The following NUP93 variants were observed in gnomAD, a reference collection of about 807,000 sequenced individuals.
NUP93 encodes nuclear pore complex protein Nup93.
A neutral mutation model predicts 107.8 loss-of-function variants in NUP93; 55 were observed. That is an observed-to-expected ratio of 0.51 (90% CI 0.41 to 0.64). NUP93 has a LOEUF of 0.64. Ranked by LOEUF, NUP93 falls within the 30% of genes least tolerant of loss-of-function variation. The pLI is 0.00. For missense variants in NUP93, 937 were observed against 1,044.7 expected, an observed-to-expected ratio of 0.90 and a Z score of 1.42; for synonymous variants, 390 against 397.5, an observed-to-expected ratio of 0.98 and a Z score of 0.22.
At chr16:56,838,847 G>A (rs912144513) in intron 18 of NUP93, 105 bp from the exon 19 acceptor site, 20 of 798,308 alleles carry the variant, frequency 2.5e-5, no homozygotes, top group East Asian at 1.0e-4. Context: ...TTACAGGCAT[G>A]AGCGACCACA....
chr16:56,834,448 T>C lies in NUP93; in HGVS notation c.1737+6T>C. ...TTGTGATTGAAAGCCGAGAGGTGAG[T>C]GGGTTTCCTTTTCTCTCCTCCCCAT... On this transcript the variant is annotated splice_donor_region_variant and intron_variant, in intron 15 of 21. Coordinates refer to ENST00000308159, the MANE Select transcript of NUP93 (RefSeq NM_014669.5). 6.2e-7 allele frequency: 1 copy of C among 1,613,880 alleles called. No homozygotes were observed. The highest frequency in any genetic ancestry group is 8.5e-7 in the Non-Finnish European group (1 of 1,179,816).
At chr16:56,815,899 G>GGTGCTGCTGCTGCTGCTGGTGCTGGTGC (rs1555495759) in intron 5 of NUP93, among the ~76,000 whole-genome samples, 1 of 95,984 alleles carries the variant, frequency 1.0e-5, no homozygotes, top group African/African-American at 4.0e-5. Flanking sequence ...GCTGCTGCTG[G>GGTGCTGCTGCTGCTGCTGGTGCTGGTGC]TGCTGCTGCT....
intron 2 of NUP93, among the ~76,000 whole-genome samples, chr16:56,750,840 C>T (rs757371314): frequency 3.3e-5 from 5 of 152,062 alleles, no homozygotes; most frequent in African/African-American, 7.3e-5. Context: ...TGAATGAATA[C>T]CCATGTGCAC....
At chr16:56,790,883 A>T (rs1340211169) in intron 3 of NUP93, among the ~76,000 whole-genome samples, 1 of 152,096 alleles carries the variant, frequency 6.6e-6, no homozygotes, top group Non-Finnish European at 1.5e-5. Flanking sequence ...CTGCTTTATT[A>T]TATTTTCTTT....
chr16:56,793,913 T>A (rs1247701220), intron 3 of NUP93, among the ~76,000 whole-genome samples: 1 of 151,746 alleles, frequency 6.6e-6, no homozygotes, highest in Admixed American at 6.6e-5. Context: ...ATTAGCTGGG[T>A]GTGGTGGCGT....
chr16:56,732,888 C>T (rs1475994564), intron 1 of NUP93, among the ~76,000 whole-genome samples: 16 of 152,066 alleles, frequency 1.1e-4, no homozygotes, highest in Non-Finnish European at 1.6e-4. Flanking sequence ...TGGACCTTAC[C>T]CTATAGGAAA....
chr16:56,838,268 T>C (rs1181699045), intron 18 of NUP93, among the ~76,000 whole-genome samples: 3 of 152,220 alleles, frequency 2.0e-5, no homozygotes, highest in Non-Finnish European at 4.4e-5. Context: ...TTGGGGTGCC[T>C]TCCCGGGGTA....
chr16:56,826,900 G>C (rs1963673561), intron 8 of NUP93, among the ~76,000 whole-genome samples: 1 of 151,692 alleles, frequency 6.6e-6, no homozygotes, highest in Admixed American at 6.6e-5. Context: ...ACAAAAATTA[G>C]CCAGGCATGA....
chr16:56,794,070 A>ATAGGTAGG (rs59624915), intron 3 of NUP93, among the ~76,000 whole-genome samples: 2 of 148,424 alleles, frequency 1.3e-5, no homozygotes, highest in Non-Finnish European at 3.0e-5. Context: ...AGATAGATAG[A>ATAGGTAGG]TAGGTAGGTA....
intron 1 of NUP93, among the ~76,000 whole-genome samples, chr16:56,730,714 G>C (rs759482076): frequency 2.5e-4 from 38 of 152,192 alleles, no homozygotes; most frequent in Non-Finnish European, 2.6e-4. Context: ...TGTACATCCA[G>C]GAGGATGCTG....
chr16:56,824,622 C>G (rs963273491), intron 8 of NUP93, among the ~76,000 whole-genome samples: 3 of 152,226 alleles, frequency 2.0e-5, no homozygotes, highest in Non-Finnish European at 4.4e-5. Flanking sequence ...CTTTGCCACT[C>G]AGCCTCTGCA....
intron 4 of NUP93, 94 bp downstream of exon 4, chr16:56,798,632 C>A: frequency 9.9e-7 from 1 of 1,005,122 alleles, no homozygotes; most frequent in Non-Finnish European, 1.6e-6. Flanking sequence ...CTTTGGGAGG[C>A]TGATGCAGGA....
chr16:56,845,623 T>A lies in NUP93; in HGVS notation c.*1014T>A, dbSNP rs1261416005. Reference sequence around the variant, plus strand: ...AAACCAGAGAGCAAATTAGGTCGTGTTTGTTCCTGAATGGGCCAACTGGAG... The same window carrying A: ...AAACCAGAGAGCAAATTAGGTCGTGATTGTTCCTGAATGGGCCAACTGGAG... On this transcript the variant is annotated 3_prime_UTR_variant, in exon 22 of 22. Transcript: ENST00000308159. The A allele has an allele frequency of 6.6e-6, 1 of 152,184 alleles. No homozygotes were observed. The highest frequency in any genetic ancestry group is 6.6e-5 in the Admixed American group (1 of 15,264). The allele number at this position is 152,184 out of a possible 1,614,324, so 9.4% of individuals were successfully genotyped here. A position where few individuals can be genotyped will look rare whatever the true frequency, so the allele number is the denominator to read the frequency against.
chr16:56,844,591 G>A lies in NUP93; in HGVS notation c.2442G>A (p.Met814Ile), dbSNP rs1218436473. Residue 814 changes from methionine (M) to isoleucine (I), a missense_variant, in exon 22 of 22, where the codon ATG becomes ATA. Physicochemically the swap from Met to Ile is conservative, Grantham distance 10. Coordinates refer to ENST00000308159, the MANE Select transcript of NUP93 (RefSeq NM_014669.5). ...ACACCAATGCGAGGCTGGTGCAGAT[G>A]GAGGTCCTCATGAATTAAGTGCCAT... ...SGDTNARLVQ[M>I]EVLMN is the part of the protein sequence containing the mutation. 1.3e-6 allele frequency: 2 copies of A among 1,593,476 alleles called. No homozygotes were observed. The highest frequency in any genetic ancestry group is 1.7e-6 in the Non-Finnish European group (2 of 1,170,162).
intron 10 of NUP93, 117 bp from the exon 11 acceptor site, chr16:56,831,725 C>A (rs143799282): frequency 9.7e-7 from 1 of 1,031,786 alleles, no homozygotes; most frequent in African/African-American, 1.6e-5. Flanking sequence ...GTGTCTCTTA[C>A]CCCGGATGAA....
chr16:56,747,820 A>G (rs28546640), intron 1 of NUP93: 56,940 of 153,916 alleles, frequency 0.37, 11,504 homozygotes, highest in East Asian at 0.54. Flanking sequence ...TGGTGCTTTT[A>G]GGGTGGTAGT....
chr16:56,746,591 C>G (rs144602332), intron 1 of NUP93, among the ~76,000 whole-genome samples: 1 of 152,328 alleles, frequency 6.6e-6, no homozygotes, highest in East Asian at 1.9e-4. Context: ...TTGCCTTTGC[C>G]TTTAAAGTTA....
chr16:56,802,424 C>G lies in NUP93; in HGVS notation c.361-3080C>G, dbSNP rs542701042. ...AGGTTTTTCTCGGTATTTTTCAGCT[C>G]AGGCTAACTGACTGGTATGGTCCAT... On this transcript the variant is annotated intron_variant, in intron 4 of 21. Transcript: ENST00000308159. Among the ~76,000 whole-genome samples the G allele has an allele frequency of 3.3e-5, 5 of 151,034 alleles. No homozygotes were observed. In the South Asian group the frequency reaches 1.0e-3, roughly 32 times the overall value.
In NUP93 at chr16:56,782,959, A is replaced by G. The variant is rs185731479; in HGVS notation, c.298-15517A>G. Among the ~76,000 whole-genome samples, 309 of 152,316 alleles carry G rather than the reference A, an allele frequency of 2.0e-3. 1 individual carries two copies. Among genetic ancestry groups the G allele is most frequent in the African/African-American group, 7.0e-3 (292 of 41,580 alleles). ...TTAAGTATATTTCAAATTTTTGGCT[A>G]GAGAATATAATTTGTGTAAGTGAAA... On this transcript the variant is annotated intron_variant, in intron 3 of 21. Transcript: ENST00000308159.
Sources: gnomAD v4.1 joint callset for allele counts (sites outside exome capture counted in the v4.1 genomes callset) on GRCh38, gnomAD v4.1.1 for gene constraint, MANE v1.5 for transcripts, NCBI Gene and HGNC (gene_info 2026-07-23, HGNC 2026-07-21) for gene names.